Variants in AKAP7 observed in about 807,000 individuals in gnomAD.
The protein encoded by AKAP7 is A kinase (PRKA) anchor protein 7.
Under a neutral mutation model 39.5 loss-of-function variants are expected in AKAP7, and 39 were observed. That is an observed-to-expected ratio of 0.99 (90% confidence interval 0.76 to 1.29). The LOEUF (loss-of-function observed/expected upper bound fraction) is 1.29. Ranked by LOEUF, AKAP7 falls within the 50% of genes most tolerant of loss-of-function variation. The pLI, the probability that AKAP7 is intolerant of heterozygous loss-of-function variation, is 0.00. For missense variants in AKAP7, 414 were observed against 407.7 expected, an observed-to-expected ratio of 1.02 and a Z score of -0.13; for synonymous variants, 140 against 139.1, an observed-to-expected ratio of 1.01 and a Z score of -0.05.
chr6:131,263,085 A>C (rs749994584), intron 7 of AKAP7, among the ~76,000 whole-genome samples: 1 of 152,244 alleles, frequency 6.6e-6, no homozygotes, highest in South Asian at 2.1e-4. Flanking sequence ...AAAGGGCAGT[A>C]GAGCCAAGGC....
rs202168206 is a variant in AKAP7, at chr6:131,211,772, C to CAA, written c.703-7869_703-7868dup. ...TGGGAGACAGAGTGAGACTCCGTCT[C>CAA]AAAAAAAAAAAAAAAAAAAAAGAAA... On this transcript the variant is annotated intron_variant, in intron 6 of 7. Transcript: ENST00000431975. Among the ~76,000 whole-genome samples, 774 of 83,448 alleles carry CAA rather than the reference C, an allele frequency of 9.3e-3. 21 individuals carry two copies. The highest frequency in any genetic ancestry group is 0.025 in the East Asian group (64 of 2,610). 54.7% of individuals were successfully genotyped at this position (83,448 alleles called of 152,430 possible).
At chr6:131,261,424 T>C (rs1220209755) in intron 7 of AKAP7, among the ~76,000 whole-genome samples, 1 of 152,114 alleles carries the variant, frequency 6.6e-6, no homozygotes, top group Non-Finnish European at 1.5e-5. Flanking sequence ...TCTATTGTAT[T>C]ATTGTCTTTA....
intron 2 of AKAP7, among the ~76,000 whole-genome samples, chr6:131,153,129 C>CAAA (rs527758381): frequency 0.21 from 23,028 of 111,056 alleles, 2,364 homozygotes; most frequent in Middle Eastern, 0.38. Context: ...GACTCCATCT[C>CAAA]AAAAAAAAAA....
the AKAP7 span, among the ~76,000 whole-genome samples, chr6:131,127,743 C>T: frequency 6.6e-6 from 1 of 152,208 alleles, no homozygotes; most frequent in African/African-American, 2.4e-5. Flanking sequence ...CATTGCAGCA[C>T]TATTCACAAT....
At chr6:131,175,742 G>A (rs953858379) in intron 5 of AKAP7, among the ~76,000 whole-genome samples, 5 of 152,142 alleles carry the variant, frequency 3.3e-5, no homozygotes, top group Admixed American at 1.3e-4. Context: ...TGAGATATGC[G>A]CTCTCTATGC....
intron 7 of AKAP7, among the ~76,000 whole-genome samples, chr6:131,242,656 C>G (rs1473554305): frequency 1.3e-5 from 2 of 152,052 alleles, no homozygotes; most frequent in African/African-American, 4.8e-5. Flanking sequence ...TTCGTTTTCA[C>G]TGTGATAAAG....
intron 7 of AKAP7, among the ~76,000 whole-genome samples, chr6:131,229,905 C>G (rs937431589): frequency 2.0e-5 from 3 of 152,098 alleles, no homozygotes; most frequent in African/African-American, 4.8e-5. Context: ...TTAATTGTTG[C>G]TGCAAAGGAC....
intron 7 of AKAP7, among the ~76,000 whole-genome samples, chr6:131,232,624 A>G (rs1032649453): frequency 1.3e-5 from 2 of 152,110 alleles, no homozygotes; most frequent in South Asian, 2.1e-4. Flanking sequence ...CCTGGCCAAC[A>G]TGGCAAAACC....
At chr6:131,169,449 G>C (rs560539329) in intron 5 of AKAP7, among the ~76,000 whole-genome samples, 176 bp downstream of exon 5, 3 of 152,304 alleles carry the variant, frequency 2.0e-5, no homozygotes, top group Admixed American at 6.5e-5. Flanking sequence ...CATAACATTT[G>C]ACATACAGTT....
At chr6:131,147,651 T>C (rs1210514874) in intron 2 of AKAP7, among the ~76,000 whole-genome samples, 1 of 152,278 alleles carries the variant, frequency 6.6e-6, no homozygotes, top group East Asian at 1.9e-4. Flanking sequence ...CACTTCTTTC[T>C]GATTTCATTA....
At position 131,282,408 on chromosome 6, in the gene AKAP7, C is replaced by T; in HGVS notation, c.*682C>T. On this transcript the variant is annotated 3_prime_UTR_variant, in exon 8 of 8. Transcript: ENST00000431975. ...AATTTTTTTTTCTTAGGCAAGAAAC[C>T]TATTGGAATTCGAGACTTAATTAAT... 1 of 1,492,578 alleles carries T rather than the reference C, an allele frequency of 6.7e-7. No homozygotes were observed. The highest frequency in any genetic ancestry group is 2.5e-5 in the East Asian group (1 of 40,288). 92.5% of individuals were successfully genotyped at this position (1,492,578 alleles called of 1,614,324 possible).
chr6:131,199,502 G>C lies in AKAP7; in HGVS notation c.631G>C (p.Gly211Arg), dbSNP rs34221901. The C allele has an allele frequency of 5.9e-4, 956 of 1,611,140 alleles. 4 individuals are homozygous for C. The African/African-American group carries it at 0.011, about 19-fold the overall frequency. ...RTFQEKGILV[G>R]ESRSFKPHLT... is the part of the protein sequence containing the mutation. ...ATTTCAAGAAAAAGGCATCCTGGTA[G>C]GAGAGAGCAGAAGTTTTAAACCTCA... The change falls in exon 6 of 8, where the codon GGA becomes CGA. Residue 211 changes from glycine (G) to arginine (R), a missense_variant. Transcript: ENST00000431975.
At chr6:131,233,018 A>G (rs1317667) in intron 7 of AKAP7, among the ~76,000 whole-genome samples, 18,511 of 151,594 alleles carry the variant, frequency 0.12, 1,315 homozygotes, top group Non-Finnish European at 0.15. Context: ...AGATGCTTAT[A>G]TGTGTGTGTA....
At chr6:131,256,500 T>C (rs922133329) in intron 7 of AKAP7, among the ~76,000 whole-genome samples, 2 of 152,098 alleles carry the variant, frequency 1.3e-5, no homozygotes, top group African/African-American at 4.8e-5. Context: ...CCATGAGGAA[T>C]AGCAAGGTTG....
intron 2 of AKAP7, among the ~76,000 whole-genome samples, chr6:131,154,468 G>GTTTTTTTTTTTTTTTTTTTTTTTT (rs58715551): frequency 2.7e-5 from 3 of 112,542 alleles, no homozygotes; most frequent in Non-Finnish European, 5.4e-5. Flanking sequence ...CCCTGTCCCT[G>GTTTTTTTTTTTTTTTTTTTTTTTT]TTTTTTTTTT....
chr6:131,158,738 C>T (rs1040030881), intron 2 of AKAP7, among the ~76,000 whole-genome samples: 7 of 151,962 alleles, frequency 4.6e-5, no homozygotes, highest in Non-Finnish European at 8.8e-5. Context: ...CACTCCTGAC[C>T]TCAAGTGGTC....
At chr6:131,172,211 A>AT (rs1804132658) in intron 5 of AKAP7, among the ~76,000 whole-genome samples, 2 of 152,198 alleles carry the variant, frequency 1.3e-5, no homozygotes, top group Non-Finnish European at 2.9e-5. Flanking sequence ...TAATTAAAGT[A>AT]TTTTTTAAGA....
chr6:131,282,222 A>G lies in AKAP7; in HGVS notation c.*496A>G. ...TGTTTGTCCTAAGTGTGCTGTTGCT[A>G]TGCAGTGTGATCTTTATTTATAGTA... On this transcript the variant is annotated 3_prime_UTR_variant, in exon 8 of 8. Transcript: ENST00000431975. 1 of 1,327,050 alleles carries G rather than the reference A, an allele frequency of 7.5e-7. No homozygotes were observed. Among genetic ancestry groups the G allele is most frequent in the Non-Finnish European group, 9.6e-7 (1 of 1,046,052 alleles). 82.2% of individuals were successfully genotyped at this position (1,327,050 alleles called of 1,614,324 possible). A position where few individuals can be genotyped will look rare whatever the true frequency, so the allele number is the denominator to read the frequency against.
At chr6:131,207,520 A>ATTTT (rs1554211862) in intron 6 of AKAP7, among the ~76,000 whole-genome samples, 7 of 53,350 alleles carry the variant, frequency 1.3e-4, no homozygotes, top group African/African-American at 5.6e-4. Flanking sequence ...TTTTTTTTAG[A>ATTTT]TATGGGGTGT....
Sources: allele counts gnomAD v4.1 joint callset (sites outside exome capture counted in the v4.1 genomes callset), GRCh38; gene constraint gnomAD v4.1.1; transcripts MANE v1.5; gene names NCBI Gene and HGNC (gene_info 2026-07-23, HGNC 2026-07-21).